PIGN: variants seen among roughly 807,000 people sequenced by gnomAD.
The protein encoded by PIGN is GPI ethanolamine phosphate transferase 1.
Under a neutral mutation model 125.4 loss-of-function variants are expected in PIGN, and 117 were observed. The ratio of observed to expected loss-of-function variants is 0.93; its 90% confidence interval spans 0.80 to 1.09. The LOEUF is 1.09. PIGN is among the 50% of genes least tolerant of loss of function. PIGN has a pLI of 0.00. For synonymous variants in PIGN, 392 were observed against 377.8 expected, an observed-to-expected ratio of 1.04 and a Z score of -0.44; for missense variants, 1,075 against 1,094.9, an observed-to-expected ratio of 0.98 and a Z score of 0.26.
At chr18:62,070,466 A>G in intron 30 of PIGN, 1 of 352,954 alleles carries the variant, frequency 2.8e-6, no homozygotes, top group Non-Finnish European at 5.1e-6. Flanking sequence ...GGAGAGGCAG[A>G]TATGTACATA....
intron 30 of PIGN, among the ~76,000 whole-genome samples, chr18:62,068,984 T>TG (rs1462533161): frequency 6.6e-6 from 1 of 152,300 alleles, no homozygotes; most frequent in East Asian, 1.9e-4. Context: ...CTGCACCATA[T>TG]GGCCTGCTCA....
chr18:62,077,774 G>A (rs968179789), intron 28 of PIGN, among the ~76,000 whole-genome samples: 1 of 152,214 alleles, frequency 6.6e-6, no homozygotes, highest in South Asian at 2.1e-4. Flanking sequence ...CACAAGGTGT[G>A]TATTAGCTAG....
At chr18:62,134,254 G>T (rs112275156) in intron 14 of PIGN, among the ~76,000 whole-genome samples, 1 of 152,036 alleles carries the variant, frequency 6.6e-6, no homozygotes. Flanking sequence ...TTAGCTGGGC[G>T]TGGTGGCGTG....
intron 28 of PIGN, chr18:62,075,398 T>A (rs1021065284): frequency 6.6e-6 from 1 of 152,240 alleles, no homozygotes; most frequent in Non-Finnish European, 1.5e-5. Context: ...ATGAGTAGAA[T>A]CACATACATA....
chr18:62,139,203 GA>G (rs2036047500), intron 12 of PIGN, 128 bp from the exon 13 acceptor site: 2 of 547,656 alleles, frequency 3.7e-6, no homozygotes, highest in Admixed American at 6.4e-5. Context: ...ATAGTTAAAT[GA>G]AAAATCTTTT....
At chr18:62,018,052 G>C (rs561767745) in intron 23 of PIGN, among the ~76,000 whole-genome samples, 1 of 152,312 alleles carries the variant, frequency 6.6e-6, no homozygotes, top group Non-Finnish European at 1.5e-5. Flanking sequence ...CTTGAGAGAA[G>C]AACAGTCAGA....
intron 1 of PIGN, among the ~76,000 whole-genome samples, chr18:62,185,985 G>C (rs1031715607): frequency 6.6e-6 from 1 of 151,030 alleles, no homozygotes; most frequent in Non-Finnish European, 1.5e-5. Context: ...ATAAAGAATC[G>C]TTTGGGACAT....
At chr18:62,035,216 A>T (rs2030244008) in intron 23 of PIGN, among the ~76,000 whole-genome samples, 1 of 152,150 alleles carries the variant, frequency 6.6e-6, no homozygotes. Context: ...AAGTCCATTA[A>T]ATCTCTCTCC....
chr18:62,068,074 A>G (rs1948093723), intron 30 of PIGN, among the ~76,000 whole-genome samples: 1 of 151,408 alleles, frequency 6.6e-6, no homozygotes, highest in Non-Finnish European at 1.5e-5. Flanking sequence ...CACATATATC[A>G]TAGCAATGAA....
intron 30 of PIGN, among the ~76,000 whole-genome samples, chr18:62,050,972 T>A (rs12956107): frequency 6.6e-6 from 1 of 151,496 alleles, no homozygotes; most frequent in African/African-American, 2.4e-5. Context: ...GTGGTTTTTG[T>A]CTTTGGTTAT....
At chr18:62,157,613 A>G in intron 5 of PIGN, 74 bp downstream of exon 5, 1 of 1,350,402 alleles carries the variant, frequency 7.4e-7, no homozygotes, top group Non-Finnish European at 1.0e-6. Flanking sequence ...ACTTTGTGAC[A>G]TGATTAAGTG....
chr18:62,095,490 C>T (rs1254826937), intron 23 of PIGN, among the ~76,000 whole-genome samples: 1 of 151,822 alleles, frequency 6.6e-6, no homozygotes, highest in East Asian at 1.9e-4. Flanking sequence ...GAAGAATGGA[C>T]AAATCAAAGC....
chr18:62,166,417 G>A (rs1037694349), intron 1 of PIGN, among the ~76,000 whole-genome samples: 2 of 152,132 alleles, frequency 1.3e-5, no homozygotes, highest in Admixed American at 6.5e-5. Flanking sequence ...ATTTAGTGGC[G>A]AGGCTGTGGA....
At chr18:62,173,440 C>G (rs28537297) in intron 1 of PIGN, among the ~76,000 whole-genome samples, 62,480 of 151,858 alleles carry the variant, frequency 0.41, 13,507 homozygotes, top group East Asian at 0.78. Flanking sequence ...CTGTGTCACC[C>G]AGGCTGGTCT....
At position 62,096,445 on chromosome 18, in the gene PIGN, C is replaced by T. The variant is rs143957644; in HGVS notation, c.2078-495G>A. ...ACATTACATTTCATTTTTTTAACTA[C>T]GCCCATATTTTCTCAATTTATATTC... On this transcript the variant is annotated intron_variant, in intron 22 of 30. Transcript: ENST00000640252. Among the ~76,000 whole-genome samples the T allele has an allele frequency of 2.7e-4, 41 of 150,462 alleles. 1 individual carries two copies. Among genetic ancestry groups the T allele is most frequent in the African/African-American group, 6.1e-4 (25 of 40,866 alleles).
chr18:62,096,161 G>C (rs1298931773), intron 22 of PIGN, among the ~76,000 whole-genome samples: 1 of 152,080 alleles, frequency 6.6e-6, no homozygotes, highest in Non-Finnish European at 1.5e-5. Flanking sequence ...TGGGTGTGGT[G>C]GCAGGCGCCT....
intron 23 of PIGN, among the ~76,000 whole-genome samples, chr18:62,035,115 C>T (rs1437371328): frequency 6.6e-6 from 1 of 152,064 alleles, no homozygotes; most frequent in Non-Finnish European, 1.5e-5. Context: ...CCTGCACATG[C>T]TTTTTTTGCC....
At chr18:62,132,915 T>C (rs962439978) in intron 14 of PIGN, among the ~76,000 whole-genome samples, 2 of 152,152 alleles carry the variant, frequency 1.3e-5, no homozygotes, top group Admixed American at 6.6e-5. Flanking sequence ...TTTGAAACAC[T>C]ACCTTCAGTC....
intron 11 of PIGN, among the ~76,000 whole-genome samples, chr18:62,141,335 A>T (rs1320773836): frequency 6.6e-6 from 1 of 152,238 alleles, no homozygotes; most frequent in East Asian, 1.9e-4. Context: ...AGTACCTGGC[A>T]CATAATAAGC....
Sources: allele counts gnomAD v4.1 joint callset (sites outside exome capture counted in the v4.1 genomes callset), GRCh38; gene constraint gnomAD v4.1.1; transcripts MANE v1.5; gene names NCBI Gene and HGNC (gene_info 2026-07-23, HGNC 2026-07-21).